Variants in TENM4 observed in about 807,000 individuals in gnomAD.
The protein encoded by TENM4 is teneurin transmembrane protein 4.
Under a neutral mutation model 243.3 loss-of-function variants are expected in TENM4, and 82 were observed. The observed-to-expected ratio is 0.34, with a 90% CI of 0.28 to 0.40. The LOEUF (loss-of-function observed/expected upper bound fraction) is 0.40. Ranked by LOEUF, TENM4 falls within the 10% of genes least tolerant of loss-of-function variation. The pLI is 1.00. For missense variants in TENM4, 3,138 were observed against 3,673.3 expected (o/e 0.85, Z 3.77); for synonymous variants, 1,412 against 1,456.3 (o/e 0.97, Z 0.69).
chr11:79,097,505 C>G (rs1411109426), intron 4 of TENM4: 1 of 152,180 alleles, frequency 6.6e-6, no homozygotes, highest in Non-Finnish European at 1.5e-5. Context: ...CAGCTTGCTT[C>G]CTCCAGCACG....
intron 25 of TENM4, among the ~76,000 whole-genome samples, chr11:78,714,171 G>A (rs555762428): frequency 6.6e-6 from 1 of 152,186 alleles, no homozygotes; most frequent in Non-Finnish European, 1.5e-5. Context: ...CTAGAAAGAA[G>A]CTATTTTGCA....
At position 79,006,925 on chromosome 11, in the gene TENM4, C is replaced by T. The variant is rs566635034; in HGVS notation, c.493+57813G>A. ...GAATAACATTTAAATTGGTGGACTTCGAGCACAGCAGATTGCCCTCCTTCA... is the reference window on the plus strand; with the variant it reads ...GAATAACATTTAAATTGGTGGACTTTGAGCACAGCAGATTGCCCTCCTTCA... On this transcript the variant is annotated intron_variant, in intron 6 of 33. Transcript: ENST00000278550. Among the ~76,000 whole-genome samples the T allele has an allele frequency of 5.9e-5, 9 of 152,306 alleles. No homozygotes were observed. The South Asian group carries it at 8.3e-4, about 14-fold the overall frequency.
At chr11:78,661,333 T>C in intron 33 of TENM4, 116 bp downstream of exon 33, 1 of 1,352,280 alleles carries the variant, frequency 7.4e-7, no homozygotes, top group Non-Finnish European at 1.0e-6. Context: ...TGGCAGGCAC[T>C]GTGGAGGCAC....
intron 25 of TENM4, among the ~76,000 whole-genome samples, chr11:78,717,553 A>C (rs559485630): frequency 1.1e-3 from 160 of 152,364 alleles, no homozygotes; most frequent in African/African-American, 3.8e-3. Flanking sequence ...AAATGGGGAT[A>C]GTCACACCTA....
intron 3 of TENM4, among the ~76,000 whole-genome samples, chr11:79,165,717 C>T (rs1862896102): frequency 6.6e-6 from 1 of 152,090 alleles, no homozygotes; most frequent in African/African-American, 2.4e-5. Flanking sequence ...TTTGTCTAAG[C>T]CAGTATCTAG....
chr11:78,905,342 A>G (rs1856038918), intron 6 of TENM4, among the ~76,000 whole-genome samples: 1 of 152,112 alleles, frequency 6.6e-6, no homozygotes, highest in Non-Finnish European at 1.5e-5. Flanking sequence ...CTGCTTTTTG[A>G]GTAAATCAAC....
chr11:79,424,284 C>A (rs1190097254), intron 1 of TENM4, among the ~76,000 whole-genome samples: 3 of 152,148 alleles, frequency 2.0e-5, no homozygotes, highest in Non-Finnish European at 4.4e-5. Context: ...ACACCCCCTA[C>A]AACAAAGAAT....
At chr11:79,008,554 ACTTTGAAGCCATGAAAGCCT>A (rs1242663157) in intron 6 of TENM4, among the ~76,000 whole-genome samples, 2 of 152,168 alleles carry the variant, frequency 1.3e-5, no homozygotes, top group African/African-American at 4.8e-5. Context: ...TATGATAAAC[ACTTTGAAGCCATGAAAGCCT>A]CTTTGTAGGA....
chr11:78,690,896 T>C (rs928046739), intron 28 of TENM4, among the ~76,000 whole-genome samples: 1 of 152,216 alleles, frequency 6.6e-6, no homozygotes, highest in Non-Finnish European at 1.5e-5. Flanking sequence ...AATAAGACTA[T>C]TCACTTGGAC....
At chr11:79,378,542 C>T (rs991958842) in intron 1 of TENM4, among the ~76,000 whole-genome samples, 2 of 152,148 alleles carry the variant, frequency 1.3e-5, no homozygotes, top group African/African-American at 2.4e-5. Context: ...GAACCACTTC[C>T]ACACTCCACC....
intron 4 of TENM4, among the ~76,000 whole-genome samples, chr11:79,130,465 C>A (rs1861979947): frequency 1.1e-5 from 1 of 90,264 alleles, no homozygotes. Context: ...AAGGCAAAGC[C>A]CAATGCAAAG....
chr11:78,712,756 T>C (rs765671481), intron 25 of TENM4, 42 bp from the exon 26 acceptor site: 1 of 1,567,154 alleles, frequency 6.4e-7, no homozygotes, highest in African/African-American at 1.3e-5. Flanking sequence ...CATTTTCTTC[T>C]TCCTATGAGT....
At chr11:79,237,463 G>T (rs1864498432) in intron 2 of TENM4, among the ~76,000 whole-genome samples, 1 of 152,184 alleles carries the variant, frequency 6.6e-6, no homozygotes, top group Non-Finnish European at 1.5e-5. Context: ...GATCACCTGA[G>T]TTCAGGAGTT....
intron 30 of TENM4, 41 bp from the exon 31 acceptor site, chr11:78,672,370 C>T (rs373471258): frequency 1.3e-6 from 2 of 1,579,364 alleles, no homozygotes; most frequent in African/African-American, 2.7e-5. Flanking sequence ...TTAATCTGGA[C>T]CATGAGAACT....
chr11:78,799,114 C>T (rs57033877), intron 15 of TENM4, among the ~76,000 whole-genome samples: 1,636 of 152,254 alleles, frequency 0.011, 18 homozygotes, highest in African/African-American at 0.037. Flanking sequence ...GGAGGTTGTG[C>T]TCTTCTCTGG....
At chr11:79,339,807 G>A (rs777921650) in intron 1 of TENM4, among the ~76,000 whole-genome samples, 3 of 152,104 alleles carry the variant, frequency 2.0e-5, no homozygotes, top group Non-Finnish European at 4.4e-5. Context: ...AGGGATGAAG[G>A]AGAAAGAGTA....
chr11:78,982,018 C>G (rs910868995), intron 6 of TENM4, among the ~76,000 whole-genome samples: 2 of 152,156 alleles, frequency 1.3e-5, no homozygotes, highest in African/African-American at 4.8e-5. Flanking sequence ...GGAATCACAC[C>G]TGCAAGAAGC....
chr11:78,664,680 C>T (rs182756457), intron 32 of TENM4, among the ~76,000 whole-genome samples: 1 of 152,322 alleles, frequency 6.6e-6, no homozygotes, highest in Admixed American at 6.5e-5. Flanking sequence ...CCTCTTCTCA[C>T]TGAGTTTTTA....
intron 6 of TENM4, among the ~76,000 whole-genome samples, chr11:78,960,327 A>G (rs1857291299): frequency 6.6e-6 from 1 of 152,086 alleles, no homozygotes; most frequent in Non-Finnish European, 1.5e-5. Context: ...TCCTGTCAGA[A>G]GAGAATCATC....
Sources: allele counts gnomAD v4.1 joint callset (sites outside exome capture counted in the v4.1 genomes callset), GRCh38; gene constraint gnomAD v4.1.1; transcripts MANE v1.5; gene names NCBI Gene and HGNC (gene_info 2026-07-23, HGNC 2026-07-21).